Variants in CPO observed in about 807,000 individuals in gnomAD.
The protein encoded by CPO is carboxypeptidase O, also known as metallocarboxypeptidase C.
In CPO, 43 loss-of-function variants were observed where a neutral mutation model predicts 41.2. The ratio of observed to expected loss-of-function variants is 1.04; its 90% CI spans 0.82 to 1.35. The LOEUF is 1.35. CPO is among the 40% of genes most tolerant of loss of function. The probability of loss-of-function intolerance (pLI) is 0.00; values close to 1 mark genes in which losing one functional copy is unlikely to be tolerated. For synonymous variants in CPO, 178 were observed against 162.7 expected, an observed-to-expected ratio of 1.09 and a Z score of -0.72; for missense variants, 408 against 451.7, an observed-to-expected ratio of 0.90 and a Z score of 0.88.
chr2:206,949,621 T>G lies in CPO; in HGVS notation c.73T>G (p.Leu25Val). 1 of 1,612,558 alleles carries G rather than the reference T, an allele frequency of 6.2e-7. No individual in the cohort carries two copies. The highest frequency in any genetic ancestry group is 8.5e-7 in the Non-Finnish European group (1 of 1,178,728). ...CTTACTTTCTTCCCTTTGCAGATCC[T>G]TAGCCCAACACAGACAAGAGATTGT... The part of the protein sequence containing the change: ...VPGGLGYDRS[L>V]AQHRQEIVDK... The change falls in exon 2 of 9, where the codon TTA becomes GTA. Residue 25 changes from leucine (L) to valine (V), a missense_variant. Physicochemically the swap from Leu to Val is conservative, Grantham distance 32 (BLOSUM62 1). Transcript: ENST00000272852.
Position 206,939,659 on chromosome 2 carries a change from A to T in CPO, c.60A>T (p.Gly20=). 2 of 1,610,620 alleles carry T rather than the reference A, an allele frequency of 1.2e-6. No individual in the cohort carries two copies. Among genetic ancestry groups the T allele is most frequent in the South Asian group, 1.1e-5 (1 of 90,978 alleles). Residue 20 remains glycine, a synonymous_variant, in exon 1 of 9, where the codon GGA becomes GGT. Transcript: ENST00000272852. ...GGATGCTGGTTCCTGGAGGGCTGGG[A>T]TATGATAGGTGAGTGTAAAGTGGGA... is the stretch of plus-strand genomic sequence containing the variant. ...LLGMLVPGGL[G]YDRSLAQHRQ... is the part of the protein sequence containing the mutation.
intron 6 of CPO, among the ~76,000 whole-genome samples, 161 bp downstream of exon 6, chr2:206,961,103 T>C (rs1693470667): frequency 6.6e-6 from 1 of 152,204 alleles, no homozygotes. Context: ...TAATATTATC[T>C]ACATAGTAAG....
At chr2:206,969,121 TCCATTC>T (rs1228451509) in intron 8 of CPO, 47 bp from the exon 9 acceptor site, 1 of 1,577,810 alleles carries the variant, frequency 6.3e-7, no homozygotes, top group East Asian at 2.2e-5. Flanking sequence ...GCTATAGAAA[TCCATTC>T]TTCCAAAGTA....
At chr2:206,939,811 T>C (rs1379762719) in intron 1 of CPO, 144 bp downstream of exon 1, 2 of 491,760 alleles carry the variant, frequency 4.1e-6, no homozygotes, top group Non-Finnish European at 7.3e-6. Context: ...TAAAGACCAC[T>C]GAAATTTATC....
intron 1 of CPO, among the ~76,000 whole-genome samples, chr2:206,941,049 CA>C (rs1256087952): frequency 6.6e-6 from 1 of 151,586 alleles, no homozygotes; most frequent in Non-Finnish European, 1.5e-5. Context: ...ACAGGAAATA[CA>C]AAAAAAATTA....
rs1574348413 is a variant in CPO, at chr2:206,949,832, C to T, written c.165+119C>T. 5.2e-6 allele frequency: 3 copies of T among 573,916 alleles called. No individual in the cohort carries two copies. The East Asian group carries it at 9.1e-5, about 17-fold the overall frequency. 35.6% of individuals were successfully genotyped at this position (573,916 alleles called of 1,614,324 possible). Reference sequence around the variant, plus strand: ...GAGGCTGAAAATGTGGTGTTAAGATCTGCCAATACATTGAGTTCAAGGGAT... The same window carrying T: ...GAGGCTGAAAATGTGGTGTTAAGATTTGCCAATACATTGAGTTCAAGGGAT... On this transcript the variant is annotated intron_variant, in intron 2 of 8. Coordinates refer to ENST00000272852, the MANE Select transcript of CPO (RefSeq NM_173077.3).
intron 1 of CPO, among the ~76,000 whole-genome samples, chr2:206,945,003 G>A (rs1202044020): frequency 6.6e-6 from 1 of 152,016 alleles, no homozygotes; most frequent in Admixed American, 6.6e-5. Flanking sequence ...GCAAAATAGG[G>A]CTTATGCTTT....
At position 206,969,216 on chromosome 2, in the gene CPO, G is replaced by A. The variant is rs771550956; in HGVS notation, c.905G>A (p.Gly302Glu). The change falls in exon 9 of 9, where the codon GGG (glycine) becomes GAG (glutamate). Residue 302 changes from glycine to glutamate, a missense_variant. Transcript: ENST00000272852. Reference protein sequence around the residue: ...GSSRDWARDIGIPFSYTFELR... With the variant: ...GSSRDWARDIEIPFSYTFELR... ...TCAAGAGATTGGGCCCGAGACATTG[G>A]GATTCCCTTCTCATATACGTTTGAG... 6.2e-7 allele frequency: 1 copy of A among 1,614,120 alleles called. No individual in the cohort carries two copies. The highest frequency in any genetic ancestry group is 2.2e-5 in the East Asian group (1 of 44,886).
Position 206,949,698 on chromosome 2 carries a change from C to T in CPO, c.150C>T (p.Tyr50=), listed in dbSNP as rs775162997. Residue 50 remains tyrosine (Y), a synonymous_variant, in exon 2 of 9, where the codon TAC becomes TAT. Coordinates refer to ENST00000272852, the MANE Select transcript of CPO (RefSeq NM_173077.3). ...TGGAGACGTATTCCTATAACATATA[C>T]CACCCCATGGGAGAGGTAAGGAAGG... ...WSLETYSYNI[Y]HPMGEIYEWM... 2.5e-6 allele frequency: 4 copies of T among 1,609,662 alleles called. No homozygotes were observed. The highest frequency in any genetic ancestry group is 1.7e-5 in the Admixed American group (1 of 59,944).
chr2:206,957,705 G>A (rs1305091448), intron 3 of CPO, among the ~76,000 whole-genome samples: 6 of 152,162 alleles, frequency 3.9e-5, no homozygotes, highest in Admixed American at 3.3e-4. Flanking sequence ...CGCTCTGAAA[G>A]AGGGGAATCT....
chr2:206,948,892 A>G (rs993023), intron 1 of CPO, among the ~76,000 whole-genome samples: 147,205 of 152,290 alleles, frequency 0.97, 71,352 homozygotes, highest in East Asian at 1. Flanking sequence ...ATAATGATGT[A>G]TCAAAGTTCA....
chr2:206,957,058 T>C (rs1013628604), intron 3 of CPO, among the ~76,000 whole-genome samples: 2 of 152,142 alleles, frequency 1.3e-5, no homozygotes, highest in African/African-American at 4.8e-5. Flanking sequence ...GTAACTAGCA[T>C]ACACGTACTC....
intron 7 of CPO, among the ~76,000 whole-genome samples, chr2:206,965,885 G>A (rs73983130): frequency 2.0e-5 from 3 of 152,132 alleles, no homozygotes; most frequent in South Asian, 2.1e-4. Flanking sequence ...ATGTAGTGTC[G>A]AAGGAGAGAG....
At chr2:206,949,847 G>C in intron 2 of CPO, 134 bp downstream of exon 2, 1 of 493,824 alleles carries the variant, frequency 2.0e-6, no homozygotes, top group South Asian at 3.9e-5. Context: ...AATACATTGA[G>C]TTCAAGGGAT....
At chr2:206,954,616 T>A (rs1693324803) in intron 2 of CPO, among the ~76,000 whole-genome samples, 1 of 152,206 alleles carries the variant, frequency 6.6e-6, no homozygotes. Flanking sequence ...TCCAAAGTCA[T>A]GTCCACATTT....
chr2:206,969,199 T>C lies in CPO; in HGVS notation c.888T>C (p.Asp296=), dbSNP rs747856779. The C allele has an allele frequency of 1.1e-5, 18 of 1,614,036 alleles. No homozygotes were observed. Among genetic ancestry groups the C allele is most frequent in the Middle Eastern group, 1.6e-4 (1 of 6,084 alleles). The part of the protein sequence containing the change: ...ILYASSGSSR[D]WARDIGIPFS... ...ATGCCTCATCAGGGTCTTCAAGAGA[T>C]TGGGCCCGAGACATTGGGATTCCCT... The change falls in exon 9 of 9, where the codon GAT becomes GAC. Residue 296 remains aspartate, a synonymous_variant. Coordinates refer to ENST00000272852, the MANE Select transcript of CPO (RefSeq NM_173077.3).
chr2:206,952,780 C>T (rs1272375279), intron 2 of CPO, among the ~76,000 whole-genome samples: 1 of 152,118 alleles, frequency 6.6e-6, no homozygotes, highest in Non-Finnish European at 1.5e-5. Flanking sequence ...TCTCATGCTG[C>T]TGTAAGGACA....
intron 6 of CPO, 65 bp from the exon 7 acceptor site, chr2:206,962,347 C>G: frequency 6.9e-7 from 1 of 1,450,398 alleles, no homozygotes; most frequent in Non-Finnish European, 9.7e-7. Context: ...TGGATGACTC[C>G]TTGCCATTGG....
chr2:206,967,331 C>CTATATATATATA (rs200615925), intron 7 of CPO, among the ~76,000 whole-genome samples: 1 of 118,508 alleles, frequency 8.4e-6, no homozygotes, highest in African/African-American at 3.5e-5. Context: ...CTCTGAAATG[C>CTATATATATATA]TATATATATA....
Sources: allele counts gnomAD v4.1 joint callset (sites outside exome capture counted in the v4.1 genomes callset), GRCh38; gene constraint gnomAD v4.1.1; transcripts MANE v1.5; gene names NCBI Gene and HGNC (gene_info 2026-07-23, HGNC 2026-07-21).